FGF12: variants seen among roughly 807,000 people sequenced by gnomAD.
The protein encoded by FGF12 is fibroblast growth factor 12B.
In FGF12, 14 loss-of-function variants were observed where a neutral mutation model predicts 23.6. That is an observed-to-expected ratio of 0.59 (90% CI 0.39 to 0.93). FGF12 has a LOEUF of 0.93. Among genes scored for constraint, FGF12 ranks in the 40% least tolerant of loss-of-function variants. FGF12 has a pLI of 0.00. For missense variants in FGF12, 175 were observed against 217.8 expected (o/e 0.80, Z 1.24); for synonymous variants, 62 against 77.3 (o/e 0.80, Z 1.04).
At chr3:192,397,763 C>T (rs998450962) in intron 2 of FGF12, among the ~76,000 whole-genome samples, 2 of 152,054 alleles carry the variant, frequency 1.3e-5, no homozygotes, top group African/African-American at 4.8e-5. Context: ...GAAAACAGAA[C>T]CTGACACCTA....
rs764076461 is a variant in FGF12, at chr3:192,360,512, T to G, written c.40A>C (p.Arg14=). The change falls in exon 3 of 6, where the codon AGG becomes CGG. Residue 14 remains arginine (R), a synonymous_variant. Coordinates refer to ENST00000445105, the MANE Select transcript of FGF12 (RefSeq NM_004113.6). The surrounding 1 kb of genome is among the most constrained non-coding windows in gnomAD (Gnocchi z 4.3). ...AAGTATCCCTGCTGGCTGAATAACC[T>G]TGTCACAATCCCTTTGAGCTGGGGT... ...KEPQLKGIVT[R]LFSQQGYFLQ... 1 of 1,613,874 alleles carries G rather than the reference T, an allele frequency of 6.2e-7. No individual in the cohort carries two copies.
chr3:192,211,491 T>A (rs534108655), intron 4 of FGF12, among the ~76,000 whole-genome samples: 2 of 152,018 alleles, frequency 1.3e-5, no homozygotes, highest in Non-Finnish European at 2.9e-5. Context: ...AGCGGCGCAA[T>A]CTCGGCTCAC....
intron 2 of FGF12, among the ~76,000 whole-genome samples, chr3:192,668,123 G>A: frequency 6.6e-6 from 1 of 151,426 alleles, no homozygotes. Context: ...TAAATGGGTA[G>A]AAATGGCAGA....
intron 2 of FGF12, among the ~76,000 whole-genome samples, chr3:192,567,600 G>T (rs1712360442): frequency 6.6e-6 from 1 of 152,186 alleles, no homozygotes; most frequent in South Asian, 2.1e-4. Context: ...TGTCCACAGG[G>T]CTGTGCTCCT....
intron 2 of FGF12, among the ~76,000 whole-genome samples, chr3:192,416,303 T>C (rs1721349178): frequency 6.6e-6 from 1 of 152,124 alleles, no homozygotes; most frequent in South Asian, 2.1e-4. Context: ...GTCCTAATTT[T>C]GTAGAATTCT....
intron 2 of FGF12, among the ~76,000 whole-genome samples, chr3:192,620,099 T>C (rs555761100): frequency 6.6e-6 from 1 of 152,232 alleles, no homozygotes; most frequent in East Asian, 1.9e-4. Context: ...TCACTCCCAT[T>C]GGCATCCACT....
At chr3:192,419,255 C>A (rs1426794626) in intron 2 of FGF12, among the ~76,000 whole-genome samples, 1 of 152,154 alleles carries the variant, frequency 6.6e-6, no homozygotes, top group Non-Finnish European at 1.5e-5. Flanking sequence ...GGGCCACCCA[C>A]AGTCTAAGTC....
intron 2 of FGF12, among the ~76,000 whole-genome samples, chr3:192,712,732 CT>C (rs58320958): frequency 0.059 from 8,718 of 147,648 alleles, 454 homozygotes; most frequent in East Asian, 0.19. Flanking sequence ...ACTGTGTATC[CT>C]TTTTTTTTTA....
intron 2 of FGF12, among the ~76,000 whole-genome samples, chr3:192,501,102 A>G (rs142617892): frequency 2.2e-4 from 34 of 152,362 alleles, no homozygotes; most frequent in African/African-American, 8.2e-4. Flanking sequence ...AGTTAGATAT[A>G]ATTTATATAA....
intron 2 of FGF12, among the ~76,000 whole-genome samples, chr3:192,576,733 A>G (rs548157347): frequency 7.4e-4 from 113 of 152,328 alleles, no homozygotes; most frequent in African/African-American, 2.6e-3. Context: ...GCTAGGTGGC[A>G]GGGGAGGGCA....
chr3:192,190,468 CTTTTTTTTTTTTTT>C (rs34108891), intron 4 of FGF12, among the ~76,000 whole-genome samples: 1 of 89,104 alleles, frequency 1.1e-5, no homozygotes, highest in Admixed American at 1.6e-4. Context: ...GCCCAATACT[CTTTTTTTTTTTTTT>C]TTTTTTTTTT....
chr3:192,614,230 T>G (rs1317808458), intron 2 of FGF12, among the ~76,000 whole-genome samples: 2 of 151,918 alleles, frequency 1.3e-5, no homozygotes, highest in Non-Finnish European at 2.9e-5. Flanking sequence ...GGGTCAACAT[T>G]TTCTATAGTT....
chr3:192,344,872 A>G (rs959364257), intron 3 of FGF12, among the ~76,000 whole-genome samples: 2 of 152,224 alleles, frequency 1.3e-5, no homozygotes, highest in African/African-American at 4.8e-5. Flanking sequence ...GAGGCATATC[A>G]CTATTGATAA....
At chr3:192,656,513 C>G (rs906181682) in intron 2 of FGF12, among the ~76,000 whole-genome samples, 1 of 152,050 alleles carries the variant, frequency 6.6e-6, no homozygotes, top group Non-Finnish European at 1.5e-5. Context: ...TTGAGCAATG[C>G]CTATATCTCT....
At chr3:192,221,444 T>C (rs1188135441) in intron 4 of FGF12, among the ~76,000 whole-genome samples, 1 of 152,186 alleles carries the variant, frequency 6.6e-6, no homozygotes, top group Non-Finnish European at 1.5e-5. Context: ...AGAGACACTA[T>C]TATACCTGTA....
chr3:192,673,550 CCT>C (rs1717212108), intron 2 of FGF12, among the ~76,000 whole-genome samples: 2 of 150,708 alleles, frequency 1.3e-5, no homozygotes, highest in African/African-American at 4.8e-5. Context: ...CTCCTGCCCC[CCT>C]GACAGGCTCC....
At chr3:192,581,484 GTGTATATA>G (rs1274030543) in intron 2 of FGF12, among the ~76,000 whole-genome samples, 31 of 69,176 alleles carry the variant, frequency 4.5e-4, no homozygotes, top group Admixed American at 3.7e-3. Context: ...ATGTGTGTGT[GTGTATATA>G]TATATATATA....
At chr3:192,453,053 G>T (rs1169666682) in intron 2 of FGF12, among the ~76,000 whole-genome samples, 5 of 152,124 alleles carry the variant, frequency 3.3e-5, no homozygotes, top group African/African-American at 1.2e-4. Flanking sequence ...TGGGACTCCA[G>T]TTGGATCTAG....
intron 4 of FGF12, among the ~76,000 whole-genome samples, chr3:192,302,973 A>G (rs1715427028): frequency 6.6e-6 from 1 of 152,238 alleles, no homozygotes; most frequent in South Asian, 2.1e-4. Context: ...CATCCAAATC[A>G]GACAATTCTC....
Sources: allele counts gnomAD v4.1 joint callset (sites outside exome capture counted in the v4.1 genomes callset), GRCh38; gene constraint gnomAD v4.1.1; non-coding constraint Gnocchi (gnomAD v3.1); transcripts MANE v1.5; gene names NCBI Gene and HGNC (gene_info 2026-07-23, HGNC 2026-07-21).